GABRA4: variants seen among roughly 807,000 people sequenced by gnomAD.
GABRA4 encodes the protein gamma-aminobutyric acid receptor subunit alpha-4.
GABRA4 carries 12 observed loss-of-function variants against 49.7 expected under a neutral mutation model. The observed-to-expected ratio is 0.24, with a 90% CI of 0.15 to 0.39. The LOEUF is 0.39. Among genes scored for constraint, GABRA4 ranks in the 10% least tolerant of loss-of-function variants. The pLI is 1.00. For synonymous variants in GABRA4, 288 were observed against 240.2 expected, an observed-to-expected ratio of 1.20 and a Z score of -1.84; for missense variants, 506 against 686.0, an observed-to-expected ratio of 0.74 and a Z score of 2.93.
At position 46,921,076 on chromosome 4, in the gene GABRA4, T is replaced by C. The variant is rs1721008076; in HGVS notation, c.*7149A>G. ...TTGAAGTGGAGATGTTTGTCTCTAG[T>C]AAAAGGAAAGGATAACATTTTATTC... On this transcript the variant is annotated 3_prime_UTR_variant, in exon 9 of 9. Coordinates refer to ENST00000264318, the MANE Select transcript of GABRA4 (RefSeq NM_000809.4). 6.6e-6 allele frequency: 1 copy of C among 151,736 alleles called. No homozygotes were observed. Among genetic ancestry groups the C allele is most frequent in the South Asian group, 2.1e-4 (1 of 4,836 alleles). 9.4% of individuals were successfully genotyped at this position (151,736 alleles called of 1,614,324 possible).
In GABRA4 at chr4:46,928,129, T is replaced by C. The variant is rs1721297085; in HGVS notation, c.*96A>G. On this transcript the variant is annotated 3_prime_UTR_variant, in exon 9 of 9. Coordinates refer to ENST00000264318, the MANE Select transcript of GABRA4 (RefSeq NM_000809.4). Reference sequence around the variant, plus strand: ...TTAAATGGAAAAATTACACAGAGTTTTTATTTTAGTAAAGAATATTTGTTT... The same window carrying C: ...TTAAATGGAAAAATTACACAGAGTTCTTATTTTAGTAAAGAATATTTGTTT... 2.8e-6 allele frequency: 3 copies of C among 1,081,284 alleles called. No homozygotes were observed. The highest frequency in any genetic ancestry group is 3.8e-6 in the Non-Finnish European group (3 of 783,910). The allele number at this position is 1,081,284 out of a possible 1,614,324, so 67.0% of individuals were successfully genotyped here. A position where few individuals can be genotyped will look rare whatever the true frequency, so the allele number is the denominator to read the frequency against.
At chr4:46,977,864 A>G (rs1334554203) in intron 3 of GABRA4, among the ~76,000 whole-genome samples, 1 of 152,066 alleles carries the variant, frequency 6.6e-6, no homozygotes, top group African/African-American at 2.4e-5. Flanking sequence ...TAAATAAATT[A>G]CCACACATAC....
intron 8 of GABRA4, among the ~76,000 whole-genome samples, chr4:46,931,668 G>A (rs540918185): frequency 3.9e-5 from 6 of 152,138 alleles, no homozygotes; most frequent in Non-Finnish European, 5.9e-5. Flanking sequence ...AGTATGTGGC[G>A]GAAATGATAG....
chr4:46,962,984 A>T (rs933453058), intron 8 of GABRA4, among the ~76,000 whole-genome samples: 1 of 151,808 alleles, frequency 6.6e-6, no homozygotes, highest in Non-Finnish European at 1.5e-5. Flanking sequence ...ACCTCAAACC[A>T]TTGAGCTATT....
chr4:46,949,891 C>A (rs994457221), intron 8 of GABRA4, among the ~76,000 whole-genome samples: 1 of 151,878 alleles, frequency 6.6e-6, no homozygotes, highest in African/African-American at 2.4e-5. Context: ...TAGGATTCAC[C>A]ATATAAAAAT....
chr4:46,983,061 C>A (rs1042092280), intron 2 of GABRA4, among the ~76,000 whole-genome samples: 1 of 152,016 alleles, frequency 6.6e-6, no homozygotes, highest in African/African-American at 2.4e-5. Context: ...CCTCCAAAGG[C>A]GCTATCCTCA....
At chr4:46,941,107 T>C (rs1475836040) in intron 8 of GABRA4, among the ~76,000 whole-genome samples, 3 of 151,952 alleles carry the variant, frequency 2.0e-5, no homozygotes, top group Non-Finnish European at 4.4e-5. Context: ...CACATTAATG[T>C]ATACTGCCAA....
At position 46,935,677 on chromosome 4, in the gene GABRA4, G is replaced by T. The variant is rs147391393; in HGVS notation, c.1135-6922C>A. 7.3e-3 allele frequency among the ~76,000 whole-genome samples: 1,111 copies of T among 152,188 alleles called. 5 individuals are homozygous for T. Among genetic ancestry groups the T allele is most frequent in the Non-Finnish European group, 0.011 (745 of 68,012 alleles). ...TACACTAGGGCCTGTTTGGGGTGGG[G>T]GGCTAGGGGAGGGATAGCATTGGGA... On this transcript the variant is annotated intron_variant, in intron 8 of 8. Coordinates refer to ENST00000264318, the MANE Select transcript of GABRA4 (RefSeq NM_000809.4).
intron 8 of GABRA4, among the ~76,000 whole-genome samples, chr4:46,953,875 A>G (rs374305201): frequency 2.6e-5 from 4 of 152,066 alleles, no homozygotes; most frequent in African/African-American, 9.7e-5. Context: ...AGTGGTTGTG[A>G]TGGGTTATAA....
intron 8 of GABRA4, among the ~76,000 whole-genome samples, chr4:46,959,225 T>C (rs915647549): frequency 3.9e-5 from 6 of 151,918 alleles, no homozygotes; most frequent in Admixed American, 2.0e-4. Context: ...CAAGTGATAC[T>C]GTAAAACCAG....
At chr4:46,982,557 A>G (rs918488684) in intron 2 of GABRA4, among the ~76,000 whole-genome samples, 1 of 152,070 alleles carries the variant, frequency 6.6e-6, no homozygotes, top group Non-Finnish European at 1.5e-5. Flanking sequence ...CTTTGTTTAT[A>G]GCAGCCTTAG....
chr4:46,969,489 A>G lies in GABRA4; in HGVS notation c.874+1594T>C, dbSNP rs568118130. On this transcript the variant is annotated intron_variant, in intron 7 of 8. Coordinates refer to ENST00000264318, the MANE Select transcript of GABRA4 (RefSeq NM_000809.4). ...ATTAGCTTGAGTGTTAAATGAGATA[A>G]TGAACATCAAGAAGTTAGCAGAGCA... Among the ~76,000 whole-genome samples the G allele has an allele frequency of 2.0e-5, 3 of 151,710 alleles. No homozygotes were observed. The South Asian group carries it at 6.2e-4, about 31-fold the overall frequency.
At chr4:46,982,656 C>T (rs1003631060) in intron 2 of GABRA4, among the ~76,000 whole-genome samples, 1 of 151,932 alleles carries the variant, frequency 6.6e-6, no homozygotes, top group African/African-American at 2.4e-5. Context: ...ACTTATAGGT[C>T]GTGGTAAGAA....
At chr4:46,958,543 T>C (rs139704190) in intron 8 of GABRA4, among the ~76,000 whole-genome samples, 15 of 151,888 alleles carry the variant, frequency 9.9e-5, no homozygotes, top group Admixed American at 2.6e-4. Context: ...CTCTAAGAAA[T>C]GAGAATGTGA....
intron 8 of GABRA4, among the ~76,000 whole-genome samples, chr4:46,938,545 T>C (rs1184525601): frequency 6.6e-6 from 1 of 152,154 alleles, no homozygotes; most frequent in Non-Finnish European, 1.5e-5. Flanking sequence ...ATCATAGCTA[T>C]GCAAGGTGAG....
chr4:46,955,576 A>G (rs115614653), intron 8 of GABRA4, among the ~76,000 whole-genome samples: 1,683 of 152,164 alleles, frequency 0.011, 27 homozygotes, highest in African/African-American at 0.038. Flanking sequence ...CATTTTTGTC[A>G]CTATTTATTT....
intron 8 of GABRA4, among the ~76,000 whole-genome samples, chr4:46,932,692 C>A (rs1376466820): frequency 6.6e-6 from 1 of 152,130 alleles, no homozygotes; most frequent in African/African-American, 2.4e-5. Flanking sequence ...TACAAAAGAT[C>A]ATGAAAGGTT....
intron 8 of GABRA4, among the ~76,000 whole-genome samples, chr4:46,957,053 T>G (rs1409931344): frequency 1.3e-5 from 2 of 151,946 alleles, no homozygotes; most frequent in Non-Finnish European, 2.9e-5. Flanking sequence ...CCTAAAGAAA[T>G]AAAAAGTAAT....
intron 2 of GABRA4, among the ~76,000 whole-genome samples, chr4:46,985,017 A>C (rs1368582794): frequency 6.6e-6 from 1 of 152,034 alleles, no homozygotes; most frequent in Non-Finnish European, 1.5e-5. Flanking sequence ...GAAACAAGCA[A>C]AAAGCCTACT....
Sources: gnomAD v4.1 joint callset for allele counts (sites outside exome capture counted in the v4.1 genomes callset) on GRCh38, gnomAD v4.1.1 for gene constraint, MANE v1.5 for transcripts, NCBI Gene and HGNC (gene_info 2026-07-23, HGNC 2026-07-21) for gene names.